ERVMER34-1: variants seen among roughly 807,000 people sequenced by gnomAD.
ERVMER34-1 encodes the protein endogenous retroviral envelope protein HEMO.
For missense variants in ERVMER34-1, 471 were observed against 295.1 expected (o/e 1.60, Z -4.37); for synonymous variants, 199 against 111.7 (o/e 1.78, Z -4.93).
intron 2 of ERVMER34-1, among the ~76,000 whole-genome samples, chr4:52,746,888 C>A (rs942562498): frequency 6.6e-6 from 1 of 152,036 alleles, no homozygotes. Context: ...TATGTAAATA[C>A]CTTAAAATTT....
chr4:52,744,622 A>G lies in ERVMER34-1; in HGVS notation c.899T>C (p.Leu300Ser), dbSNP rs1336732837. ...CCCTTTGTACACCCCATTGCCGCAC[A>G]AAAAAAAGAGGCCAGAGTTGTTCAC... ...LSVNNSGLFF[L>S]CGNGVYKGFP... The change falls in exon 3 of 3, where the codon TTG (leucine) becomes TCG (serine). Residue 300 changes from leucine (L) to serine (S), a missense_variant. Leu to Ser is a moderately radical substitution (Grantham distance 145). Coordinates refer to ENST00000443173, the MANE Select transcript of ERVMER34-1 (RefSeq NM_001242690.2). 1 of 703,890 alleles carries G rather than the reference A, an allele frequency of 1.4e-6. No homozygotes were observed. The highest frequency in any genetic ancestry group is 2.6e-6 in the Non-Finnish European group (1 of 384,918). 43.6% of individuals were successfully genotyped at this position (703,890 alleles called of 1,614,324 possible).
At chr4:52,747,840 C>A (rs1716190037) in intron 2 of ERVMER34-1, among the ~76,000 whole-genome samples, 1 of 152,184 alleles carries the variant, frequency 6.6e-6, no homozygotes, top group Non-Finnish European at 1.5e-5. Flanking sequence ...GAGGTCGAGA[C>A]CAGCCTGACC....
Position 52,742,888 on chromosome 4 carries a change from G to A in ERVMER34-1, c.*941C>T, listed in dbSNP as rs1327344635. 3 of 149,340 alleles carry A rather than the reference G, an allele frequency of 2.0e-5. No individual in the cohort carries two copies. The highest frequency in any genetic ancestry group is 7.4e-5 in the African/African-American group (3 of 40,340). The allele number at this position is 149,340 out of a possible 1,614,324, so 9.3% of individuals were successfully genotyped here. A position where few individuals can be genotyped will look rare whatever the true frequency, so the allele number is the denominator to read the frequency against. ...GCCGAGATTGAGCCACTGCACTCCA[G>A]CCTGGGTGAAAGGGCCAGACTCTGC... On this transcript the variant is annotated 3_prime_UTR_variant, in exon 3 of 3. Coordinates refer to ENST00000443173, the MANE Select transcript of ERVMER34-1 (RefSeq NM_001242690.2).
chr4:52,744,618 G>T lies in ERVMER34-1; in HGVS notation c.903C>A (p.Cys301Ter). ...GAAACCCTTTGTACACCCCATTGCCGCACAAAAAAAAGAGGCCAGAGTTGT... is the reference window on the plus strand; with the variant it reads ...GAAACCCTTTGTACACCCCATTGCCTCACAAAAAAAAGAGGCCAGAGTTGT... ...SVNNSGLFFL[C>*]GNGVYKGFPP... The change falls in exon 3 of 3, where the codon TGC becomes TGA. Residue 301 changes from cysteine (C) to a stop codon, truncating the protein, a stop_gained. Transcript: ENST00000443173. LOFTEE classifies it low-confidence loss of function (END_TRUNC). 1.4e-6 allele frequency: 1 copy of T among 703,890 alleles called. No homozygotes were observed. Among genetic ancestry groups the T allele is most frequent in the Non-Finnish European group, 2.6e-6 (1 of 384,942 alleles). 43.6% of individuals were successfully genotyped at this position (703,890 alleles called of 1,614,324 possible). A position where few individuals can be genotyped will look rare whatever the true frequency, so the allele number is the denominator to read the frequency against.
rs528475062 is a variant in ERVMER34-1 at position 52,742,870 on chromosome 4, T to C, written c.*959A>G. 6.6e-6 allele frequency: 1 copy of C among 150,924 alleles called. No individual in the cohort carries two copies. The highest frequency in any genetic ancestry group is 2.0e-4 in the East Asian group (1 of 5,114). The allele number at this position is 150,924 out of a possible 1,614,324, so 9.3% of individuals were successfully genotyped here. A position where few individuals can be genotyped will look rare whatever the true frequency, so the allele number is the denominator to read the frequency against. ...GGGCAGAGGTTGCAGTGAGCCGAGA[T>C]TGAGCCACTGCACTCCAGCCTGGGT... On this transcript the variant is annotated 3_prime_UTR_variant, in exon 3 of 3. Transcript: ENST00000443173.
chr4:52,743,882 T>A lies in ERVMER34-1; in HGVS notation c.1639A>T (p.Asn547Tyr). 2 of 1,524,570 alleles carry A rather than the reference T, an allele frequency of 1.3e-6. No individual in the cohort carries two copies. The highest frequency in any genetic ancestry group is 1.2e-5 in the South Asian group (1 of 83,222). The allele number at this position is 1,524,570 out of a possible 1,614,324, so 94.4% of individuals were successfully genotyped here. A position where few individuals can be genotyped will look rare whatever the true frequency, so the allele number is the denominator to read the frequency against. ...LVSETSCQVS[N>Y]RAMKGLTTHQ... is the part of the protein sequence containing the mutation. ...GTTGTTAGTCCCTTCATTGCCCTAT[T>A]TGAAACTTGACATGAAGTTTCACTG... The change falls in exon 3 of 3, where the codon AAT (asparagine) becomes TAT (tyrosine). Residue 547 changes from asparagine to tyrosine, a missense_variant. Asn to Tyr is a moderately radical substitution (Grantham distance 143, BLOSUM62 -2). Coordinates refer to ENST00000443173, the MANE Select transcript of ERVMER34-1 (RefSeq NM_001242690.2).
At position 52,743,475 on chromosome 4, in the gene ERVMER34-1, A is replaced by G. The variant is rs565233321; in HGVS notation, c.*354T>C. ...CTACAAAGTGCTGTTGGGAGAAACT[A>G]TCCTGCCCCCAACTTAGTTCCAGTG... On this transcript the variant is annotated 3_prime_UTR_variant, in exon 3 of 3. Transcript: ENST00000443173. The G allele has an allele frequency of 1.5e-3, 258 of 177,636 alleles. No individual in the cohort carries two copies. The highest frequency in any genetic ancestry group is 5.8e-3 in the African/African-American group (244 of 42,362). 11.0% of individuals were successfully genotyped at this position (177,636 alleles called of 1,614,324 possible). A position where few individuals can be genotyped will look rare whatever the true frequency, so the allele number is the denominator to read the frequency against.
At position 52,743,701 on chromosome 4, in the gene ERVMER34-1, G is replaced by A; in HGVS notation, c.*128C>T. On this transcript the variant is annotated 3_prime_UTR_variant, in exon 3 of 3. Transcript: ENST00000443173. Reference sequence around the variant, plus strand: ...TTACAATACCTTGGGAGGTCCTAGTGCTAAGTGCCCTTATAAGAGGAACAC... The same window carrying A: ...TTACAATACCTTGGGAGGTCCTAGTACTAAGTGCCCTTATAAGAGGAACAC... 3.8e-6 allele frequency: 3 copies of A among 798,984 alleles called. No homozygotes were observed. The highest frequency in any genetic ancestry group is 3.8e-6 in the Non-Finnish European group (2 of 523,200). 49.5% of individuals were successfully genotyped at this position (798,984 alleles called of 1,614,324 possible).
rs993632681 is a variant in ERVMER34-1 at position 52,743,370 on chromosome 4, G to C, written c.*459C>G. 2.0e-5 allele frequency: 3 copies of C among 153,036 alleles called. No homozygotes were observed. The highest frequency in any genetic ancestry group is 7.2e-5 in the African/African-American group (3 of 41,438). The allele number at this position is 153,036 out of a possible 1,614,324, so 9.5% of individuals were successfully genotyped here. A position where few individuals can be genotyped will look rare whatever the true frequency, so the allele number is the denominator to read the frequency against. On this transcript the variant is annotated 3_prime_UTR_variant, in exon 3 of 3. Transcript: ENST00000443173. ...CATAGTTTTGTGTATGTGTACATTG[G>C]ATTCTTCTACCTTCAACCAAAATCA...
chr4:52,747,185 C>T (rs1000698995), intron 2 of ERVMER34-1, among the ~76,000 whole-genome samples: 3 of 151,848 alleles, frequency 2.0e-5, no homozygotes, highest in Admixed American at 6.6e-5. Context: ...CCCAAGATCA[C>T]GCCACTGCAC....
chr4:52,744,338 T>C lies in ERVMER34-1; in HGVS notation c.1183A>G (p.Met395Val), dbSNP rs1249512271. ...TTAGTGGCACTGAATTCCTGTTCCA[T>C]TGCTTTGGAAATGTTTAGAATTGCC... is the stretch of plus-strand genomic sequence containing the variant. ...EKAILNISKA[M>V]EQEFSATKQT... The change falls in exon 3 of 3, where the codon ATG becomes GTG. Residue 395 changes from methionine (M) to valine (V), a missense_variant. By Grantham distance (21) the Met-to-Val change is conservative. Transcript: ENST00000443173. The C allele has an allele frequency of 2.8e-6, 2 of 704,188 alleles. No individual in the cohort carries two copies. The highest frequency in any genetic ancestry group is 2.0e-5 in the Admixed American group (1 of 50,020). The allele number at this position is 704,188 out of a possible 1,614,324, so 43.6% of individuals were successfully genotyped here.
At position 52,744,044 on chromosome 4, in the gene ERVMER34-1, C is replaced by T; in HGVS notation, c.1477G>A (p.Val493Met). 2 of 706,674 alleles carry T rather than the reference C, an allele frequency of 2.8e-6. No individual in the cohort carries two copies. The highest frequency in any genetic ancestry group is 1.5e-5 in the South Asian group (1 of 67,648). The allele number at this position is 706,674 out of a possible 1,614,324, so 43.8% of individuals were successfully genotyped here. ...AAGCAGAAAAGAACAATTAAAAGCACATAGCCCCATGATCTGAACCAGTCT... is the reference window on the plus strand; with the variant it reads ...AAGCAGAAAAGAACAATTAAAAGCATATAGCCCCATGATCTGAACCAGTCT... ...VGDWFRSWGY[V>M]LLIVLFCLFI... The change falls in exon 3 of 3, where the codon GTG (valine) becomes ATG (methionine). Residue 493 changes from valine (V) to methionine (M), a missense_variant. Transcript: ENST00000443173.
chr4:52,746,514 G>A (rs779963182), intron 2 of ERVMER34-1, among the ~76,000 whole-genome samples: 29 of 152,134 alleles, frequency 1.9e-4, no homozygotes, highest in African/African-American at 1.9e-4. Flanking sequence ...TTAATTCTGC[G>A]TAAAGTGAGT....
chr4:52,748,547 C>T (rs761225111), intron 2 of ERVMER34-1, among the ~76,000 whole-genome samples: 6 of 152,104 alleles, frequency 3.9e-5, no homozygotes, highest in Non-Finnish European at 7.4e-5. Context: ...CAAACTCACC[C>T]GCAAAGGCCT....
intron 2 of ERVMER34-1, among the ~76,000 whole-genome samples, chr4:52,747,594 G>T (rs1029095500): frequency 6.6e-6 from 1 of 152,140 alleles, no homozygotes; most frequent in Non-Finnish European, 1.5e-5. Context: ...AAATGACCCA[G>T]GCCACAAGCG....
Position 52,744,106 on chromosome 4 carries a change from G to A in ERVMER34-1, c.1415C>T (p.Pro472Leu), listed in dbSNP as rs1319341132. The A allele has an allele frequency of 2.6e-5, 18 of 703,942 alleles. No individual in the cohort carries two copies. Among genetic ancestry groups the A allele is most frequent in the African/African-American group, 5.2e-5 (3 of 57,234 alleles). 43.6% of individuals were successfully genotyped at this position (703,942 alleles called of 1,614,324 possible). The change falls in exon 3 of 3, where the codon CCG becomes CTG. Residue 472 changes from proline to leucine, a missense_variant. Transcript: ENST00000443173. Reference sequence around the variant, plus strand: ...AAATATGCCTTGCCAATCAAGTAACGGTACATTCTTCAGGTTCTCGGATGC... The same window carrying A: ...AAATATGCCTTGCCAATCAAGTAACAGTACATTCTTCAGGTTCTCGGATGC... ...HEASENLKNV[P>L]LLDWQGIFAK...
intron 2 of ERVMER34-1, among the ~76,000 whole-genome samples, chr4:52,746,215 G>A (rs67701062): frequency 2.0e-5 from 3 of 151,730 alleles, no homozygotes; most frequent in East Asian, 1.9e-4. Context: ...GATGGAGGTC[G>A]CACTTTGTTG....
Position 52,748,156 on chromosome 4 carries a change from A to G in ERVMER34-1, c.-423-2213T>C. ...TTCTTGTGCCCCTTTTAAGGTTGACACAGTGCATTAAGCAGAAGGGTTAAG... is the reference window on the plus strand; with the variant it reads ...TTCTTGTGCCCCTTTTAAGGTTGACGCAGTGCATTAAGCAGAAGGGTTAAG... On this transcript the variant is annotated intron_variant, in intron 2 of 2. Transcript: ENST00000443173. 1.4e-5 allele frequency: 3 copies of G among 215,292 alleles called. No individual in the cohort carries two copies. In the Admixed American group the frequency reaches 1.6e-4, roughly 11 times the overall value. The allele number at this position is 215,292 out of a possible 1,614,324, so 13.3% of individuals were successfully genotyped here. A position where few individuals can be genotyped will look rare whatever the true frequency, so the allele number is the denominator to read the frequency against.
At chr4:52,748,940 C>T (rs1380280138) in intron 2 of ERVMER34-1, among the ~76,000 whole-genome samples, 1 of 152,154 alleles carries the variant, frequency 6.6e-6, no homozygotes, top group Non-Finnish European at 1.5e-5. Context: ...ACTGCAGCAT[C>T]GAACACCTGG....
Sources: gnomAD v4.1 joint callset for allele counts (sites outside exome capture counted in the v4.1 genomes callset) on GRCh38, gnomAD v4.1.1 for gene constraint, MANE v1.5 for transcripts, NCBI Gene and HGNC (gene_info 2026-07-23, HGNC 2026-07-21) for gene names.